Variants in ACVR2B observed in about 807,000 individuals in gnomAD.
ACVR2B encodes activin A receptor type 2B, also known as activin receptor type-2B.
Under a neutral mutation model 65.1 loss-of-function variants are expected in ACVR2B, and 18 were observed. The ratio of observed to expected loss-of-function variants is 0.28; its 90% confidence interval spans 0.19 to 0.41. ACVR2B has a LOEUF of 0.41. ACVR2B is among the 10% of genes least tolerant of loss of function. The probability of loss-of-function intolerance (pLI) is 1.00; values close to 1 mark genes in which losing one functional copy is unlikely to be tolerated. For missense variants in ACVR2B, 482 were observed against 682.7 expected, an observed-to-expected ratio of 0.71 and a Z score of 3.28; for synonymous variants, 298 against 277.7, an observed-to-expected ratio of 1.07 and a Z score of -0.73.
rs1709920757 is a variant in ACVR2B, at chr3:38,476,968, T to C, written c.53-319T>C. 6.4e-6 allele frequency: 3 copies of C among 469,608 alleles called. No homozygotes were observed. The East Asian group carries it at 1.2e-4, about 18-fold the overall frequency. 29.1% of individuals were successfully genotyped at this position (469,608 alleles called of 1,614,324 possible). ...CAGGTGTTGGTGCCCTTTCTGTGCA[T>C]CTGGACTCTGTCTGTCTGGCTGTTT... On this transcript the variant is annotated intron_variant, in intron 1 of 10. Transcript: ENST00000352511.
Position 38,479,384 on chromosome 3 carries a change from C to T in ACVR2B, c.810+113C>T, listed in dbSNP as rs569952032. 1.1e-5 allele frequency: 17 copies of T among 1,499,586 alleles called. No homozygotes were observed. The African/African-American group carries it at 2.3e-4, about 21-fold the overall frequency. The allele number at this position is 1,499,586 out of a possible 1,614,324, so 92.9% of individuals were successfully genotyped here. A position where few individuals can be genotyped will look rare whatever the true frequency, so the allele number is the denominator to read the frequency against. ...GAGGTGTCCACCATGAAGTACTCTG[C>T]CCCGGTAGCACTATCCACTATGGGG... On this transcript the variant is annotated intron_variant, in intron 6 of 10. Transcript: ENST00000352511.
chr3:38,483,431 A>G lies in ACVR2B; in HGVS notation c.*99A>G. ...GAAATCCCATAAAACCAACAAACACATAAAATGCAGCTGCTATTTTACCTT... is the reference window on the plus strand; with the variant it reads ...GAAATCCCATAAAACCAACAAACACGTAAAATGCAGCTGCTATTTTACCTT... On this transcript the variant is annotated 3_prime_UTR_variant, in exon 11 of 11. Coordinates refer to ENST00000352511, the MANE Select transcript of ACVR2B (RefSeq NM_001106.4). The surrounding 1 kb of genome is among the most constrained non-coding windows in gnomAD (Gnocchi z 4.8). 9.4e-7 allele frequency: 1 copy of G among 1,069,016 alleles called. No homozygotes were observed. The highest frequency in any genetic ancestry group is 1.3e-5 in the South Asian group (1 of 75,372). 66.2% of individuals were successfully genotyped at this position (1,069,016 alleles called of 1,614,324 possible). A position where few individuals can be genotyped will look rare whatever the true frequency, so the allele number is the denominator to read the frequency against.
At position 38,479,702 on chromosome 3, in the gene ACVR2B, G is replaced by A. The variant is rs1304167281; in HGVS notation, c.835G>A (p.Gly279Arg). 6.2e-7 allele frequency: 1 copy of A among 1,614,184 alleles called. No individual in the cohort carries two copies. The highest frequency in any genetic ancestry group is 2.2e-5 in the East Asian group (1 of 44,878). ...DKGSLTDYLKGNIITWNELCH... is the reference protein window; with the variant it reads ...DKGSLTDYLKRNIITWNELCH... ...GGGCTCCCTCACGGATTACCTCAAGGGGAACATCATCACATGGAACGAACT... is the reference window on the plus strand; with the variant it reads ...GGGCTCCCTCACGGATTACCTCAAGAGGAACATCATCACATGGAACGAACT... Residue 279 changes from glycine to arginine, a missense_variant, in exon 7 of 11, where the codon GGG (glycine) becomes AGG (arginine). Physicochemically the swap from Gly to Arg is moderately radical, Grantham distance 125. Transcript: ENST00000352511.
chr3:38,463,003 G>A lies in ACVR2B; in HGVS notation c.52+8629G>A, dbSNP rs1709673797. ...CCCTGCTGAAATGCTAGGTTACAGA[G>A]TTTAGAAATAGCCTGGTTTCATGAA... On this transcript the variant is annotated intron_variant, in intron 1 of 10. Coordinates refer to ENST00000352511, the MANE Select transcript of ACVR2B (RefSeq NM_001106.4). Among the ~76,000 whole-genome samples the A allele has an allele frequency of 2.6e-5, 4 of 152,286 alleles. No individual in the cohort carries two copies. In the South Asian group the frequency reaches 8.3e-4, roughly 32 times the overall value.
chr3:38,460,942 G>A (rs1709635443), intron 1 of ACVR2B, among the ~76,000 whole-genome samples: 2 of 152,248 alleles, frequency 1.3e-5, no homozygotes, highest in Non-Finnish European at 2.9e-5. Context: ...GGAGGAGGCT[G>A]CTTCCCAGGT....
intron 1 of ACVR2B, among the ~76,000 whole-genome samples, chr3:38,459,414 C>T (rs879000584): frequency 2.0e-5 from 3 of 152,252 alleles, no homozygotes; most frequent in Non-Finnish European, 2.9e-5. Flanking sequence ...AAGGCTGGCA[C>T]TCAGCCTCTT....
chr3:38,480,896 C>A (rs902788750), intron 7 of ACVR2B, among the ~76,000 whole-genome samples: 2 of 152,146 alleles, frequency 1.3e-5, no homozygotes, highest in African/African-American at 2.4e-5. Flanking sequence ...TTGCTCCAGC[C>A]GGCCTTCATG....
chr3:38,455,359 C>G (rs1421024994), intron 1 of ACVR2B, among the ~76,000 whole-genome samples: 2 of 152,112 alleles, frequency 1.3e-5, no homozygotes, highest in African/African-American at 2.4e-5. Context: ...CGGCTGGTAC[C>G]CGGCCGCCGG....
rs1444593725 is a variant in ACVR2B at position 38,486,115 on chromosome 3, C to A, written c.*2783C>A. 1 of 152,266 alleles carries A rather than the reference C, an allele frequency of 6.6e-6. No homozygotes were observed. The highest frequency in any genetic ancestry group is 1.9e-4 in the East Asian group (1 of 5,186). The allele number at this position is 152,266 out of a possible 1,614,324, so 9.4% of individuals were successfully genotyped here. A position where few individuals can be genotyped will look rare whatever the true frequency, so the allele number is the denominator to read the frequency against. ...CGGTCAAGACACAGTACAGACAGGTCAGGCCTGCGTGCCTTTTCTCTGGGT... is the reference window on the plus strand; with the variant it reads ...CGGTCAAGACACAGTACAGACAGGTAAGGCCTGCGTGCCTTTTCTCTGGGT... On this transcript the variant is annotated 3_prime_UTR_variant, in exon 11 of 11. Transcript: ENST00000352511.
chr3:38,454,481 A>ATG (rs1709508069), intron 1 of ACVR2B, 107 bp downstream of exon 1: 1 of 1,020,030 alleles, frequency 9.8e-7, no homozygotes, highest in South Asian at 4.8e-5. Flanking sequence ...TCGTCGCCGC[A>ATG]CCACCTGTAT....
At position 38,482,273 on chromosome 3, in the gene ACVR2B, A is replaced by G. The variant is rs747347266; in HGVS notation, c.1150A>G (p.Ile384Val). The G allele has an allele frequency of 8.1e-6, 13 of 1,612,890 alleles. No individual in the cohort carries two copies. Among genetic ancestry groups the G allele is most frequent in the Admixed American group, 1.7e-5 (1 of 59,850 alleles). ...INFQRDAFLR[I>V]DMYAMGLVLW... ...CTTCCAGAGAGATGCCTTCCTGCGC[A>G]TTGACATGTATGCCATGGGGTTGGT... The change falls in exon 9 of 11, where the codon ATT becomes GTT. Residue 384 changes from isoleucine (I) to valine (V), a missense_variant. This residue lies in a region of ACVR2B where 223 missense variants were observed against 386.3 expected (regional missense o/e 0.58). Coordinates refer to ENST00000352511, the MANE Select transcript of ACVR2B (RefSeq NM_001106.4).
Position 38,481,378 on chromosome 3 carries a change from G to A in ACVR2B, c.987G>A (p.Leu329=), listed in dbSNP as rs1413671900. The A allele has an allele frequency of 1.2e-6, 2 of 1,614,206 alleles. No individual in the cohort carries two copies. The highest frequency in any genetic ancestry group is 1.7e-5 in the Admixed American group (1 of 60,024). Residue 329 remains leucine, a synonymous_variant, in exon 8 of 11, where the codon CTG becomes CTA. Transcript: ENST00000352511. This position sits in a 1 kb window ranked among gnomAD's most constrained non-coding sequence, Gnocchi z 4.7. The part of the protein sequence containing the change: ...HRDFKSKNVL[L]KSDLTAVLAD... ...ACTTTAAAAGTAAGAATGTATTGCTGAAGAGCGACCTCACAGCCGTGCTGG... is the reference window on the plus strand; with the variant it reads ...ACTTTAAAAGTAAGAATGTATTGCTAAAGAGCGACCTCACAGCCGTGCTGG...
At chr3:38,472,587 G>A (rs747933861) in intron 1 of ACVR2B, among the ~76,000 whole-genome samples, 2 of 152,088 alleles carry the variant, frequency 1.3e-5, no homozygotes, top group African/African-American at 4.8e-5. Flanking sequence ...TGCCCACAAG[G>A]GTGGGGCTGG....
Position 38,492,028 on chromosome 3 carries a change from GTAAATT to G in ACVR2B, c.*8700_*8705del, listed in dbSNP as rs1332007000. Reference sequence around the variant, plus strand: ...AATCTGAATAACTTTATACAGTACTGTAAATTTAACTTACATCGAGTTTGTTGTCAA... The same window carrying G: ...AATCTGAATAACTTTATACAGTACTGTAACTTACATCGAGTTTGTTGTCAA... On this transcript the variant is annotated 3_prime_UTR_variant, in exon 11 of 11. Transcript: ENST00000352511. 1 of 152,170 alleles carries G rather than the reference GTAAATT, an allele frequency of 6.6e-6. No individual in the cohort carries two copies. The highest frequency in any genetic ancestry group is 1.5e-5 in the Non-Finnish European group (1 of 68,032). The allele number at this position is 152,170 out of a possible 1,614,324, so 9.4% of individuals were successfully genotyped here. A position where few individuals can be genotyped will look rare whatever the true frequency, so the allele number is the denominator to read the frequency against.
chr3:38,469,203 C>T (rs1052737467), intron 1 of ACVR2B, among the ~76,000 whole-genome samples: 7 of 152,174 alleles, frequency 4.6e-5, no homozygotes, highest in African/African-American at 9.7e-5. Flanking sequence ...AATAAACACC[C>T]TTTTAAAATG....
chr3:38,465,008 T>A (rs1189605643), intron 1 of ACVR2B, among the ~76,000 whole-genome samples: 1 of 152,192 alleles, frequency 6.6e-6, no homozygotes, highest in Non-Finnish European at 1.5e-5. Context: ...ATACAATGAC[T>A]GGCTGGTAAT....
chr3:38,456,192 G>T (rs976304262), intron 1 of ACVR2B, among the ~76,000 whole-genome samples: 1 of 152,218 alleles, frequency 6.6e-6, no homozygotes, highest in Non-Finnish European at 1.5e-5. Context: ...TCCTGCCCTG[G>T]GAGGAAGGTG....
chr3:38,486,428 T>A lies in ACVR2B; in HGVS notation c.*3096T>A, dbSNP rs1710122347. On this transcript the variant is annotated 3_prime_UTR_variant, in exon 11 of 11. Coordinates refer to ENST00000352511, the MANE Select transcript of ACVR2B (RefSeq NM_001106.4). ...CTTTTGCCCCGGGTAAATGCTTGTCTGTTTGCTGTCATGTGTTCTTTGAGG... is the reference window on the plus strand; with the variant it reads ...CTTTTGCCCCGGGTAAATGCTTGTCAGTTTGCTGTCATGTGTTCTTTGAGG... 6.6e-6 allele frequency: 1 copy of A among 152,324 alleles called. No homozygotes were observed. The highest frequency in any genetic ancestry group is 1.5e-5 in the Non-Finnish European group (1 of 68,132). 9.4% of individuals were successfully genotyped at this position (152,324 alleles called of 1,614,324 possible).
At chr3:38,479,550 A>G (rs1709979804) in intron 6 of ACVR2B, 128 bp from the exon 7 acceptor site, 1 of 1,197,854 alleles carries the variant, frequency 8.3e-7, no homozygotes, top group South Asian at 1.2e-5. Context: ...CATCTTCCAT[A>G]TCGATTGTAG....
Sources: gnomAD v4.1 joint callset for allele counts (sites outside exome capture counted in the v4.1 genomes callset) on GRCh38, gnomAD v4.1.1 for gene constraint, gnomAD v4.1.1 regional missense constraint, Gnocchi (gnomAD v3.1) non-coding constraint, MANE v1.5 for transcripts, NCBI Gene and HGNC (gene_info 2026-07-23, HGNC 2026-07-21) for gene names.